The following PDE6C variants were observed in gnomAD, a reference collection of about 807,000 sequenced individuals.
The protein encoded by PDE6C is cone cGMP-specific 3',5'-cyclic phosphodiesterase subunit alpha'.
In PDE6C, 75 loss-of-function variants were observed where a neutral mutation model predicts 113.1. The ratio of observed to expected loss-of-function variants is 0.66; its 90% CI spans 0.55 to 0.80. PDE6C has a LOEUF of 0.80. Ranked by LOEUF, PDE6C falls within the 30% of genes least tolerant of loss-of-function variation. The pLI, the probability that PDE6C is intolerant of heterozygous loss-of-function variation, is 0.00. For synonymous variants in PDE6C, 375 were observed against 363.7 expected, an observed-to-expected ratio of 1.03 and a Z score of -0.35; for missense variants, 912 against 1,038.6, an observed-to-expected ratio of 0.88 and a Z score of 1.67.
In PDE6C at chr10:93,620,951, A is replaced by G. The variant is rs1051004545; in HGVS notation, c.694A>G (p.Met232Val). The change falls in exon 3 of 22, where the codon ATG becomes GTG. Residue 232 changes from methionine to valine, a missense_variant. Physicochemically the swap from Met to Val is conservative, Grantham distance 21. Transcript: ENST00000371447. Reference protein sequence around the residue: ...IILRLHHTSYMYNIESRRSQI... With the variant: ...IILRLHHTSYVYNIESRRSQI... ...CCTAAGGCTTCATCACACCAGCTAC[A>G]TGTACAATATTGAATCCCGAAGAAG... The G allele has an allele frequency of 6.2e-7, 1 of 1,614,028 alleles. No homozygotes were observed. Among genetic ancestry groups the G allele is most frequent in the Non-Finnish European group, 8.5e-7 (1 of 1,179,910 alleles).
At chr10:93,615,947 G>A (rs1223564757) in intron 1 of PDE6C, among the ~76,000 whole-genome samples, 1 of 152,218 alleles carries the variant, frequency 6.6e-6, no homozygotes, top group Non-Finnish European at 1.5e-5. Context: ...GGAGGTGGCT[G>A]AGTATGTGTC....
chr10:93,640,503 C>A lies in PDE6C; in HGVS notation c.1683C>A (p.Tyr561Ter), dbSNP rs1665211640. The A allele has an allele frequency of 5.0e-6, 8 of 1,613,928 alleles. No homozygotes were observed. Among genetic ancestry groups the A allele is most frequent in the Non-Finnish European group, 6.8e-6 (8 of 1,179,810 alleles). The change falls in exon 13 of 22, where the codon TAC becomes TAA. Residue 561 changes from tyrosine (Y) to a stop codon, truncating the protein, a stop_gained. Coordinates refer to ENST00000371447, the MANE Select transcript of PDE6C (RefSeq NM_006204.4). LOFTEE classifies it high-confidence loss of function. Reference protein sequence around the residue: ...TVRKGYRAVTYHNWRHGFNVG... With the variant: ...TVRKGYRAVT ...GGAAAGGGTACCGAGCTGTCACTTA[C>A]CACAATTGGCGGCATGGGTTCAACG...
intron 14 of PDE6C, among the ~76,000 whole-genome samples, chr10:93,641,831 A>G (rs2058561539): frequency 6.6e-6 from 1 of 152,082 alleles, no homozygotes; most frequent in South Asian, 2.1e-4. Flanking sequence ...CTTAACATCG[A>G]TGCCATCTTT....
chr10:93,661,802 G>A (rs1325392105), intron 18 of PDE6C, among the ~76,000 whole-genome samples: 3 of 152,214 alleles, frequency 2.0e-5, no homozygotes, highest in Admixed American at 6.5e-5. Flanking sequence ...TTTCGTTGGT[G>A]AGAAGTGGTG....
chr10:93,630,172 C>T (rs2058493742), intron 8 of PDE6C, among the ~76,000 whole-genome samples: 1 of 152,066 alleles, frequency 6.6e-6, no homozygotes, highest in Non-Finnish European at 1.5e-5. Context: ...CTTCCTTCTC[C>T]ACTGTGCAGA....
At chr10:93,622,829 T>A (rs2058455247) in intron 4 of PDE6C, among the ~76,000 whole-genome samples, 1 of 152,156 alleles carries the variant, frequency 6.6e-6, no homozygotes, top group Non-Finnish European at 1.5e-5. Flanking sequence ...TTTTTATCAC[T>A]GAATAATATT....
intron 7 of PDE6C, among the ~76,000 whole-genome samples, chr10:93,627,258 C>CAAAAAAAAAA (rs57142181): frequency 3.0e-4 from 16 of 52,462 alleles, no homozygotes; most frequent in East Asian, 7.6e-4. Flanking sequence ...TGAAACTCCA[C>CAAAAAAAAAA]AAAAAAAAAA....
intron 18 of PDE6C, among the ~76,000 whole-genome samples, chr10:93,661,346 T>C (rs2058664950): frequency 6.6e-6 from 1 of 152,216 alleles, no homozygotes; most frequent in South Asian, 2.1e-4. Context: ...CCTCTTTTCC[T>C]GGAAAATTAC....
At chr10:93,636,365 G>GGGGTGT (rs1554890047) in intron 10 of PDE6C, among the ~76,000 whole-genome samples, 3 of 23,434 alleles carry the variant, frequency 1.3e-4, no homozygotes, top group East Asian at 1.7e-3. Flanking sequence ...TATTTCCCTG[G>GGGGTGT]CTTTGTGTGT....
intron 9 of PDE6C, 131 bp downstream of exon 9, chr10:93,635,038 T>C: frequency 1.0e-6 from 1 of 956,304 alleles, no homozygotes; most frequent in Non-Finnish European, 1.6e-6. Flanking sequence ...CTGTAACCAA[T>C]ATGTTGTTAT....
intron 15 of PDE6C, among the ~76,000 whole-genome samples, chr10:93,652,776 A>C (rs763432538): frequency 6.6e-6 from 1 of 152,210 alleles, no homozygotes; most frequent in African/African-American, 2.4e-5. Flanking sequence ...AGCAATATGC[A>C]CTAAAACAAT....
intron 14 of PDE6C, among the ~76,000 whole-genome samples, chr10:93,643,172 T>C (rs588912): frequency 0.21 from 32,670 of 152,046 alleles, 3,686 homozygotes; most frequent in Admixed American, 0.28. Context: ...AAGATGAAGT[T>C]AAACCTTCCC....
chr10:93,665,295 T>G (rs887424224), intron 21 of PDE6C, 65 bp from the exon 22 acceptor site: 53 of 1,155,682 alleles, frequency 4.6e-5, no homozygotes, highest in Admixed American at 5.1e-5. Flanking sequence ...ATCATGGGAA[T>G]GTTAGAATAA....
At chr10:93,621,453 C>T (rs1182508352) in intron 3 of PDE6C, among the ~76,000 whole-genome samples, 4 of 152,200 alleles carry the variant, frequency 2.6e-5, no homozygotes, top group African/African-American at 9.7e-5. Context: ...CTCTGGACCT[C>T]AGTTTCCTCA....
chr10:93,652,508 A>G (rs1277844166), intron 15 of PDE6C, among the ~76,000 whole-genome samples: 11 of 152,238 alleles, frequency 7.2e-5, no homozygotes, highest in Admixed American at 6.5e-4. Context: ...CTATATGCAA[A>G]AGAAGCAGTA....
At chr10:93,629,634 G>C (rs2058490478) in intron 8 of PDE6C, among the ~76,000 whole-genome samples, 1 of 152,298 alleles carries the variant, frequency 6.6e-6, no homozygotes, top group East Asian at 1.9e-4. Context: ...TGAGGGTGGG[G>C]TGGGAGATGG....
intron 15 of PDE6C, among the ~76,000 whole-genome samples, chr10:93,650,390 A>G (rs7893369): frequency 0.78 from 118,376 of 151,992 alleles, 46,595 homozygotes; most frequent in African/African-American, 0.9. Flanking sequence ...GGGACTACAG[A>G]CATGAGTCTC....
intron 18 of PDE6C, among the ~76,000 whole-genome samples, chr10:93,659,766 T>C (rs2058657468): frequency 6.6e-6 from 1 of 152,246 alleles, no homozygotes; most frequent in Admixed American, 6.5e-5. Flanking sequence ...GGAACTACAA[T>C]TCAAGATGAG....
chr10:93,637,351 A>G (rs1420381459), intron 11 of PDE6C, among the ~76,000 whole-genome samples: 8 of 152,122 alleles, frequency 5.3e-5, no homozygotes, highest in African/African-American at 1.9e-4. Context: ...ATCAAGGCAC[A>G]GTTTATTTTA....
Sources: allele counts gnomAD v4.1 joint callset (sites outside exome capture counted in the v4.1 genomes callset), GRCh38; gene constraint gnomAD v4.1.1; transcripts MANE v1.5; gene names NCBI Gene and HGNC (gene_info 2026-07-23, HGNC 2026-07-21).